GRID2IP: variants seen among roughly 807,000 people sequenced by gnomAD.
GRID2IP encodes the protein Grid2 interacting protein, also known as delphilin.
A neutral mutation model predicts 114.3 loss-of-function variants in GRID2IP; 78 were observed. The ratio of observed to expected loss-of-function variants is 0.68; its 90% CI spans 0.57 to 0.82. The LOEUF (loss-of-function observed/expected upper bound fraction) is 0.82, where lower values mean the gene tolerates loss of function less well. GRID2IP is among the 40% of genes least tolerant of loss of function. The probability of loss-of-function intolerance (pLI) is 0.00; values close to 1 mark genes in which losing one functional copy is unlikely to be tolerated. For missense variants in GRID2IP, 1,727 were observed against 1,678.5 expected, an observed-to-expected ratio of 1.03 and a Z score of -0.51; for synonymous variants, 809 against 724.0, an observed-to-expected ratio of 1.12 and a Z score of -1.89.
Position 6,521,969 on chromosome 7 carries a change from A to G in GRID2IP, c.920-12T>C. On this transcript the variant is annotated splice_polypyrimidine_tract_variant and intron_variant, in intron 4 of 21. Transcript: ENST00000457091. This position sits in a 1 kb window ranked among gnomAD's most constrained non-coding sequence, Gnocchi z 4.1. ...GTCAGCTGGGCTCCCTGGAAGCAAG[A>G]AGAGAGGGTGTGCCGGTCAGCTGGG... is the stretch of plus-strand genomic sequence containing the variant. The G allele has an allele frequency of 6.5e-7, 1 of 1,549,962 alleles. No individual in the cohort carries two copies.
chr7:6,508,979 G>C lies in GRID2IP; in HGVS notation c.2106C>G (p.Thr702=). ...CCACCTCCTCGTAGTCGTTCTCCGG[G>C]GTCAGGAAATCATCCACGATGGTGA... The part of the protein sequence containing the change: ...PRVTIVDDFL[T]PENDYEEMSF... The change falls in exon 12 of 22, where the codon ACC becomes ACG. Residue 702 remains threonine (T), a synonymous_variant. Transcript: ENST00000457091. The surrounding 1 kb of genome is among the most constrained non-coding windows in gnomAD (Gnocchi z 5.6). The C allele has an allele frequency of 4.3e-5, 67 of 1,547,886 alleles. No homozygotes were observed. The highest frequency in any genetic ancestry group is 5.8e-5 in the Non-Finnish European group (66 of 1,146,704).
rs1412149121 is a variant in GRID2IP at position 6,507,095 on chromosome 7, G to A, written c.2544+890C>T. On this transcript the variant is annotated intron_variant, in intron 13 of 21. Transcript: ENST00000457091. This position sits in a 1 kb window ranked among gnomAD's most constrained non-coding sequence, Gnocchi z 5.3. ...GGCAGTGGGGAAAAATCACAAGCAT[G>A]CCTCTGCCCAGTGTGACTACATGTG... is the stretch of plus-strand genomic sequence containing the variant. Among the ~76,000 whole-genome samples, 2 of 152,192 alleles carry A rather than the reference G, an allele frequency of 1.3e-5. No individual in the cohort carries two copies. The highest frequency in any genetic ancestry group is 2.9e-5 in the Non-Finnish European group (2 of 68,044).
chr7:6,536,786 T>TC lies in GRID2IP; in HGVS notation c.584+2931dup. ...TCTAGAAATAACTTTTTTCCTTTTTTCCCCTCTTCTGATTCTCCTAGCAAG... is the reference window on the plus strand; with the variant it reads ...TCTAGAAATAACTTTTTTCCTTTTTTCCCCCTCTTCTGATTCTCCTAGCAAG... On this transcript the variant is annotated intron_variant, in intron 2 of 21. Coordinates refer to ENST00000457091, the MANE Select transcript of GRID2IP (RefSeq NM_001145118.2). This position sits in a 1 kb window ranked among gnomAD's most constrained non-coding sequence, Gnocchi z 5.3. 4.3e-6 allele frequency: 3 copies of TC among 702,014 alleles called. No individual in the cohort carries two copies. Among genetic ancestry groups the TC allele is most frequent in the South Asian group, 1.5e-5 (1 of 67,560 alleles). The allele number at this position is 702,014 out of a possible 1,614,324, so 43.5% of individuals were successfully genotyped here.
rs1194605751 is a variant in GRID2IP at position 6,528,667 on chromosome 7, C to G, written c.585-1898G>C. On this transcript the variant is annotated intron_variant, in intron 2 of 21. Coordinates refer to ENST00000457091, the MANE Select transcript of GRID2IP (RefSeq NM_001145118.2). This position sits in a 1 kb window ranked among gnomAD's most constrained non-coding sequence, Gnocchi z 6.0. ...GGTGTCCCAGCGGCCCTCACACTTC[C>G]CTCCACCTCTGTGGGTAGGAGTAAT... Among the ~76,000 whole-genome samples the G allele has an allele frequency of 5.3e-5, 8 of 152,114 alleles. No homozygotes were observed. Among genetic ancestry groups the G allele is most frequent in the Non-Finnish European group, 1.2e-4 (8 of 68,022 alleles).
At position 6,532,305 on chromosome 7, in the gene GRID2IP, C is replaced by G. The variant is rs564895417; in HGVS notation, c.585-5536G>C. ...CCAACCAGAACATCAGCATGAAGCC[C>G]TCTCCAAAGACAGGCGGGAACAGGA... On this transcript the variant is annotated intron_variant, in intron 2 of 21. Coordinates refer to ENST00000457091, the MANE Select transcript of GRID2IP (RefSeq NM_001145118.2). The surrounding 1 kb of genome is among the most constrained non-coding windows in gnomAD (Gnocchi z 4.4). Among the ~76,000 whole-genome samples the G allele has an allele frequency of 6.6e-6, 1 of 152,254 alleles. No homozygotes were observed. The highest frequency in any genetic ancestry group is 2.4e-5 in the African/African-American group (1 of 41,548).
In GRID2IP at chr7:6,528,052, G is replaced by A. The variant is rs148412823; in HGVS notation, c.585-1283C>T. On this transcript the variant is annotated intron_variant, in intron 2 of 21. Transcript: ENST00000457091. This position sits in a 1 kb window ranked among gnomAD's most constrained non-coding sequence, Gnocchi z 6.0. ...GGATTAGACGTGAGCCACTGTGCCCGGCATTTTTTTTTCTTTTTAATTTTT... is the reference window on the plus strand; with the variant it reads ...GGATTAGACGTGAGCCACTGTGCCCAGCATTTTTTTTTCTTTTTAATTTTT... 3.8e-3 allele frequency among the ~76,000 whole-genome samples: 581 copies of A among 151,420 alleles called. 2 individuals carry two copies. The highest frequency in any genetic ancestry group is 0.013 in the African/African-American group (546 of 41,334).
intron 1 of GRID2IP, among the ~76,000 whole-genome samples, chr7:6,543,349 A>T (rs956486614): frequency 5.9e-5 from 9 of 151,354 alleles, no homozygotes; most frequent in Non-Finnish European, 8.8e-5. Context: ...GTGAGCCAAG[A>T]TCGTGCCACT....
At position 6,532,854 on chromosome 7, in the gene GRID2IP, C is replaced by T. The variant is rs1017634782; in HGVS notation, c.585-6085G>A. On this transcript the variant is annotated intron_variant, in intron 2 of 21. Coordinates refer to ENST00000457091, the MANE Select transcript of GRID2IP (RefSeq NM_001145118.2). The surrounding 1 kb of genome is among the most constrained non-coding windows in gnomAD (Gnocchi z 4.4). ...CCCAGGGTCAAATCCAGGCACGCTA[C>T]CTCAGAGCCAGGTCTCCGTGGGCAC... Among the ~76,000 whole-genome samples, 15 of 152,214 alleles carry T rather than the reference C, an allele frequency of 9.9e-5. No homozygotes were observed. Among genetic ancestry groups the T allele is most frequent in the African/African-American group, 3.6e-4 (15 of 41,450 alleles).
At chr7:6,510,807 C>T in intron 9 of GRID2IP, 101 bp from the exon 10 acceptor site, 1 of 1,473,284 alleles carries the variant, frequency 6.8e-7, no homozygotes, top group East Asian at 2.6e-5. Flanking sequence ...ATCCTGAGCC[C>T]TGCTTAGCCC....
In GRID2IP at chr7:6,509,061, C is replaced by T. The variant is rs1309689861; in HGVS notation, c.2024G>A (p.Arg675Gln). 1.0e-5 allele frequency: 16 copies of T among 1,534,854 alleles called. No homozygotes were observed. The highest frequency in any genetic ancestry group is 4.9e-5 in the East Asian group (2 of 40,642). Residue 675 changes from arginine to glutamine, a missense_variant, in exon 12 of 22, where the codon CGA becomes CAA. Transcript: ENST00000457091. The surrounding 1 kb of genome is among the most constrained non-coding windows in gnomAD (Gnocchi z 4.9). The part of the protein sequence containing the change: ...RKLFTFSHPV[R>Q]SRDTDRFLDV... ...CAGGAAGCGGTCAGTATCGCGGCTT[C>T]GCACAGGGTGGGAGAAGGTGAAGAG...
At chr7:6,514,291 G>T (rs1779247198) in intron 8 of GRID2IP, 84 bp downstream of exon 8, 1 of 1,187,462 alleles carries the variant, frequency 8.4e-7, no homozygotes, top group Admixed American at 3.1e-5. Flanking sequence ...CTTCACATGT[G>T]AGAACAGGTG....
At chr7:6,539,133 C>CTTT (rs35413221) in intron 2 of GRID2IP, among the ~76,000 whole-genome samples, 4 of 144,342 alleles carry the variant, frequency 2.8e-5, no homozygotes, top group Non-Finnish European at 4.6e-5. Flanking sequence ...AGACTGTGAC[C>CTTT]TTTTTTTTTT....
intron 9 of GRID2IP, 71 bp from the exon 10 acceptor site, chr7:6,510,777 C>G (rs952507478): frequency 1.9e-5 from 28 of 1,484,980 alleles, no homozygotes; most frequent in Non-Finnish European, 2.0e-5. Context: ...CCAACATGCC[C>G]CGCAGACCCA....
In GRID2IP at chr7:6,516,645, C is replaced by G. The variant is rs1779308866; in HGVS notation, c.1269-2116G>C. ...CACTGCTTGCCCGCCCGCAGCCACC[C>G]AGAGGCCTAACGCTGTCCCTGTGAT... On this transcript the variant is annotated intron_variant, in intron 7 of 21. Coordinates refer to ENST00000457091, the MANE Select transcript of GRID2IP (RefSeq NM_001145118.2). The surrounding 1 kb of genome is among the most constrained non-coding windows in gnomAD (Gnocchi z 4.3). Among the ~76,000 whole-genome samples the G allele has an allele frequency of 6.6e-6, 1 of 152,194 alleles. No individual in the cohort carries two copies. The highest frequency in any genetic ancestry group is 2.1e-4 in the South Asian group (1 of 4,824).
intron 2 of GRID2IP, among the ~76,000 whole-genome samples, chr7:6,533,418 G>A (rs1562522888): frequency 6.6e-6 from 1 of 152,098 alleles, no homozygotes; most frequent in Non-Finnish European, 1.5e-5. Flanking sequence ...GAGTGCAATG[G>A]CATGATCATG....
Position 6,526,460 on chromosome 7 carries a change from C to A in GRID2IP, c.833+61G>T. On this transcript the variant is annotated intron_variant, in intron 3 of 21. Coordinates refer to ENST00000457091, the MANE Select transcript of GRID2IP (RefSeq NM_001145118.2). This position sits in a 1 kb window ranked among gnomAD's most constrained non-coding sequence, Gnocchi z 7.6. ...CCGCCCCTACGCCCTCTCCCCGGGT[C>A]TCGGTCCCGAGCCCACCCGCAGGGA... is the stretch of plus-strand genomic sequence containing the variant. The A allele has an allele frequency of 6.8e-7, 1 of 1,465,186 alleles. No homozygotes were observed. The highest frequency in any genetic ancestry group is 9.0e-7 in the Non-Finnish European group (1 of 1,107,738). The allele number at this position is 1,465,186 out of a possible 1,614,324, so 90.8% of individuals were successfully genotyped here.
Position 6,508,928 on chromosome 7 carries a change from G to A in GRID2IP, c.2127+30C>T, listed in dbSNP as rs1562513829. 2.3e-5 allele frequency: 36 copies of A among 1,532,882 alleles called. No individual in the cohort carries two copies. The highest frequency in any genetic ancestry group is 2.0e-4 in the Middle Eastern group (1 of 5,044). The allele number at this position is 1,532,882 out of a possible 1,614,324, so 95.0% of individuals were successfully genotyped here. A position where few individuals can be genotyped will look rare whatever the true frequency, so the allele number is the denominator to read the frequency against. On this transcript the variant is annotated intron_variant, in intron 12 of 21. Coordinates refer to ENST00000457091, the MANE Select transcript of GRID2IP (RefSeq NM_001145118.2). This position sits in a 1 kb window ranked among gnomAD's most constrained non-coding sequence, Gnocchi z 5.6. Reference sequence around the variant, plus strand: ...CAGACCGCCACACCTCGCCTCACCCGCCTCCCTCCACACCTGCTTGCGTGC... The same window carrying A: ...CAGACCGCCACACCTCGCCTCACCCACCTCCCTCCACACCTGCTTGCGTGC...
rs892363492 is a variant in GRID2IP, at chr7:6,509,515, G to C, written c.1772-202C>G. Among the ~76,000 whole-genome samples the C allele has an allele frequency of 6.6e-6, 1 of 152,186 alleles. No homozygotes were observed. The highest frequency in any genetic ancestry group is 2.4e-5 in the African/African-American group (1 of 41,442). On this transcript the variant is annotated intron_variant, in intron 11 of 21. Transcript: ENST00000457091. The surrounding 1 kb of genome is among the most constrained non-coding windows in gnomAD (Gnocchi z 4.9). ...GCCAGATCTGGTGAGCAGGAGCACT[G>C]CTCGGCCTCAGGACAGGCTGGACGC...
chr7:6,548,899 G>A (rs891410452), intron 1 of GRID2IP, among the ~76,000 whole-genome samples: 22 of 151,736 alleles, frequency 1.4e-4, no homozygotes, highest in African/African-American at 5.1e-4. Flanking sequence ...AGCAAATACT[G>A]AGTTTCCAGG....
Sources: gnomAD v4.1 joint callset for allele counts (sites outside exome capture counted in the v4.1 genomes callset) on GRCh38, gnomAD v4.1.1 for gene constraint, Gnocchi (gnomAD v3.1) non-coding constraint, MANE v1.5 for transcripts, NCBI Gene and HGNC (gene_info 2026-07-23, HGNC 2026-07-21) for gene names.